STRA6: variants seen among roughly 807,000 people sequenced by gnomAD.
STRA6 encodes the protein receptor for retinol uptake STRA6.
A neutral mutation model predicts 83.6 loss-of-function variants in STRA6; 48 were observed. The ratio of observed to expected loss-of-function variants is 0.57; its 90% CI spans 0.46 to 0.73. The LOEUF (loss-of-function observed/expected upper bound fraction) is 0.73. Ranked by LOEUF, STRA6 falls within the 30% of genes least tolerant of loss-of-function variation. STRA6 has a pLI of 0.00. For missense variants in STRA6, 760 were observed against 838.8 expected, an observed-to-expected ratio of 0.91 and a Z score of 1.16; for synonymous variants, 353 against 362.3, an observed-to-expected ratio of 0.97 and a Z score of 0.29.
At position 74,197,408 on chromosome 15, in the gene STRA6, G is replaced by A. The variant is rs2073868742; in HGVS notation, c.196C>T (p.Leu66Phe). Residue 66 changes from leucine (L) to phenylalanine (F), a missense_variant, in exon 4 of 19, where the codon CTC (leucine) becomes TTC (phenylalanine). By Grantham distance (22) the Leu-to-Phe change is conservative (BLOSUM62 0). Coordinates refer to ENST00000395105, the MANE Select transcript of STRA6 (RefSeq NM_022369.4). ...LASLSILVLLLLAMLVRRRQL... is the reference protein window; with the variant it reads ...LASLSILVLLFLAMLVRRRQL... Reference sequence around the variant, plus strand: ...CGGCGCCTCACCAGCATGGCCAGGAGCAGCAGCACAAGGATCTGAAAGGAG... The same window carrying A: ...CGGCGCCTCACCAGCATGGCCAGGAACAGCAGCACAAGGATCTGAAAGGAG... 1.3e-6 allele frequency: 2 copies of A among 1,550,552 alleles called. No individual in the cohort carries two copies. Among genetic ancestry groups the A allele is most frequent in the South Asian group, 1.2e-5 (1 of 84,056 alleles).
Position 74,190,894 on chromosome 15 carries a change from A to T in STRA6, c.873T>A (p.His291Gln). The T allele has an allele frequency of 6.2e-7, 1 of 1,614,108 alleles. No individual in the cohort carries two copies. Among genetic ancestry groups the T allele is most frequent in the Non-Finnish European group, 8.5e-7 (1 of 1,180,028 alleles). Residue 291 changes from histidine (H) to glutamine (Q), a missense_variant, in exon 11 of 19, where the codon CAT becomes CAA. By Grantham distance (24) the His-to-Gln change is conservative (BLOSUM62 0). Transcript: ENST00000395105. ...CTGAAAGCACCAGCTTCAGCGGGAG[A>T]TGGAATCCTGTAGTCCTCAAAGGAA... ...HCIYTPQPGFHLPLKLVLSAT... is the reference protein window; with the variant it reads ...HCIYTPQPGFQLPLKLVLSAT...
upstream of STRA6, among the ~76,000 whole-genome samples, chr15:74,203,756 C>T (rs1297257164): frequency 6.6e-6 from 1 of 152,212 alleles, no homozygotes; most frequent in Non-Finnish European, 1.5e-5. Flanking sequence ...CAAAGGGAAT[C>T]ACAGGTTGAG....
At chr15:74,202,591 C>T in intron 1 of STRA6, 122 bp downstream of exon 1, 1 of 1,461,926 alleles carries the variant, frequency 6.8e-7, no homozygotes, top group Non-Finnish European at 9.0e-7. Flanking sequence ...GTCTGACCAA[C>T]CACCAGCAGG....
At chr15:74,183,643 A>G in intron 14 of STRA6, 1 of 1,451,320 alleles carries the variant, frequency 6.9e-7, no homozygotes, top group Non-Finnish European at 9.1e-7. Flanking sequence ...GAGGGTACAC[A>G]CTCAATTTCC....
intron 14 of STRA6, chr15:74,182,792 G>A: frequency 2.8e-6 from 1 of 356,074 alleles, no homozygotes; most frequent in East Asian, 6.8e-5. Flanking sequence ...TGGGGGATAA[G>A]GCTACATATT....
At position 74,191,478 on chromosome 15, in the gene STRA6, C is replaced by T; in HGVS notation, c.734G>A (p.Ser245Asn). ...GTTCCTCAGATATTCCTCAGAGTAG[C>T]TGCTCTGCAGCCCCTGTGGAGACAG... ...TGAGSKGLQS[S>N]YSEEYLRNLL... Residue 245 changes from serine to asparagine, a missense_variant, in exon 9 of 19, where the codon AGC becomes AAC. Physicochemically the swap from Ser to Asn is conservative, Grantham distance 46. Coordinates refer to ENST00000395105, the MANE Select transcript of STRA6 (RefSeq NM_022369.4). 6.2e-7 allele frequency: 1 copy of T among 1,614,182 alleles called. No homozygotes were observed. Among genetic ancestry groups the T allele is most frequent in the Non-Finnish European group, 8.5e-7 (1 of 1,180,020 alleles).
At chr15:74,197,614 GC>G (rs1480532726) in intron 3 of STRA6, 137 bp downstream of exon 3, 1 of 1,285,680 alleles carries the variant, frequency 7.8e-7, no homozygotes, top group African/African-American at 1.5e-5. Flanking sequence ...GGGCCTCCAA[GC>G]TGGGAGAACT....
upstream of STRA6, chr15:74,209,236 G>C: frequency 8.8e-7 from 1 of 1,135,550 alleles, no homozygotes; most frequent in Admixed American, 2.1e-5. Flanking sequence ...CCCCCAAACC[G>C]TTTGCTCGAA....
intron 17 of STRA6, 123 bp from the exon 18 acceptor site, chr15:74,181,060 A>C: frequency 6.9e-7 from 1 of 1,441,950 alleles, no homozygotes; most frequent in Non-Finnish European, 9.5e-7. Context: ...ATGTCGACAC[A>C]CCAAGCACGT....
intron 1 of STRA6, chr15:74,202,511 C>G: frequency 6.6e-7 from 1 of 1,526,696 alleles, no homozygotes; most frequent in South Asian, 1.2e-5. Context: ...CTCCTCCCTT[C>G]CCGCCCATCG....
chr15:74,180,797 C>T lies in STRA6; in HGVS notation c.1825G>A (p.Gly609Arg), dbSNP rs2072939301. Residue 609 changes from glycine to arginine, a missense_variant, in exon 18 of 19, where the codon GGG becomes AGG. Transcript: ENST00000395105. ...MAAPQDSLRP[G>R]EEDEGMQLLQ... is the part of the protein sequence containing the mutation. Reference sequence around the variant, plus strand: ...GAGGGCGCACCTTCGTCTTCCTCCCCTGGTCTGAGGCTGTCCTGGGGGGCT... The same window carrying T: ...GAGGGCGCACCTTCGTCTTCCTCCCTTGGTCTGAGGCTGTCCTGGGGGGCT... The T allele has an allele frequency of 6.2e-7, 1 of 1,609,442 alleles. No individual in the cohort carries two copies. The highest frequency in any genetic ancestry group is 1.3e-5 in the African/African-American group (1 of 74,824).
intron 8 of STRA6, 151 bp downstream of exon 8, chr15:74,193,649 G>T: frequency 2.2e-6 from 3 of 1,342,542 alleles, no homozygotes; most frequent in Non-Finnish European, 3.1e-6. Context: ...AGGGAGGGAG[G>T]ACTAAGCAGT....
At chr15:74,191,940 G>A (rs752092616) in intron 8 of STRA6, 7 of 281,188 alleles carry the variant, frequency 2.5e-5, no homozygotes, top group East Asian at 8.9e-5. Flanking sequence ...CTGCCACTGC[G>A]CAAGGGAGAT....
At position 74,197,787 on chromosome 15, in the gene STRA6, G is replaced by A. The variant is rs151176007; in HGVS notation, c.145C>T (p.Pro49Ser). 8.3e-5 allele frequency: 134 copies of A among 1,613,720 alleles called. No individual in the cohort carries two copies. The African/African-American group carries it at 1.7e-3, about 21-fold the overall frequency. ...GCCAGGCAGGCGTGGTACAGGCCGG[G>A]TGGTATGCTGGTGTGGCAGGAGGGC... is the stretch of plus-strand genomic sequence containing the variant. ...EVPSCHTSIP[P>S]GLYHACLASL... The change falls in exon 3 of 19, where the codon CCC becomes TCC. Residue 49 changes from proline to serine, a missense_variant. Physicochemically the swap from Pro to Ser is moderately conservative, Grantham distance 74. Coordinates refer to ENST00000395105, the MANE Select transcript of STRA6 (RefSeq NM_022369.4).
At chr15:74,185,136 T>G in intron 12 of STRA6, 81 bp from the exon 13 acceptor site, 1 of 1,429,906 alleles carries the variant, frequency 7.0e-7, no homozygotes, top group Non-Finnish European at 9.8e-7. Context: ...GCCAGGGTGG[T>G]GCCTTGTGGG....
In STRA6 at chr15:74,191,239, G is replaced by T; in HGVS notation, c.793C>A (p.His265Asn). ...GACAGGAAGCCATGCTTGGAGGTGT[G>T]GTAGCTGCAGAAAGACCCAGGCAGG... is the stretch of plus-strand genomic sequence containing the variant. The part of the protein sequence containing the change: ...LCRKKLGSSY[H>N]TSKHGFLSWA... The change falls in exon 10 of 19, where the codon CAC becomes AAC. Residue 265 changes from histidine (H) to asparagine (N), a missense_variant. By Grantham distance (68) the His-to-Asn change is moderately conservative. Coordinates refer to ENST00000395105, the MANE Select transcript of STRA6 (RefSeq NM_022369.4). The T allele has an allele frequency of 6.2e-7, 1 of 1,613,726 alleles. No homozygotes were observed.
In STRA6 at chr15:74,182,175, T is replaced by TGGGTGTCCA; in HGVS notation, c.1497_1505dup (p.Gly500_Pro502dup). 1 of 1,614,070 alleles carries TGGGTGTCCA rather than the reference T, an allele frequency of 6.2e-7. No homozygotes were observed. Among genetic ancestry groups the TGGGTGTCCA allele is most frequent in the Non-Finnish European group, 8.5e-7 (1 of 1,179,970 alleles). On this transcript the variant is annotated inframe_insertion, in exon 16 of 19. Transcript: ENST00000395105. ...TGCCACCTCACCGGTTGGTCAGCTG[T>TGGGTGTCCA]GGGTGTCCATCATGAGTCTCCAGGA...
rs1005047997 is a variant in STRA6 at position 74,194,544 on chromosome 15, G to A, written c.598-622C>T. 4.9e-5 allele frequency: 21 copies of A among 427,130 alleles called. No individual in the cohort carries two copies. The Admixed American group carries it at 6.4e-4, about 13-fold the overall frequency. The allele number at this position is 427,130 out of a possible 1,614,324, so 26.5% of individuals were successfully genotyped here. ...CAGCTCCATGGACGGATGGAGAAAC[G>A]GTCTCAGAAAGGTGGCACTGTTTCC... is the stretch of plus-strand genomic sequence containing the variant. On this transcript the variant is annotated intron_variant, in intron 7 of 18. Coordinates refer to ENST00000395105, the MANE Select transcript of STRA6 (RefSeq NM_022369.4).
Position 74,208,096 on chromosome 15 carries a change from T to C in STRA6, c.-16+704A>G, listed in dbSNP as rs553889293. On this transcript the variant is annotated intron_variant, in intron 1 of 18. Coordinates refer to the STRA6 transcript ENST00000323940. ...GCTGTTCTGGTATGAGGGTGGACAC[T>C]GGTGAGGAGGAGGAGGGTAGCCGGC... 798 of 1,176,912 alleles carry C rather than the reference T, an allele frequency of 6.8e-4. 16 individuals are homozygous for C. In the South Asian group the frequency reaches 0.015, roughly 22 times the overall value. The allele number at this position is 1,176,912 out of a possible 1,614,324, so 72.9% of individuals were successfully genotyped here.
Sources: gnomAD v4.1 joint callset for allele counts (sites outside exome capture counted in the v4.1 genomes callset) on GRCh38, gnomAD v4.1.1 for gene constraint, MANE v1.5 for transcripts, NCBI Gene and HGNC (gene_info 2026-07-23, HGNC 2026-07-21) for gene names.